Variants in TCAIM observed in about 807,000 individuals in gnomAD.
TCAIM encodes the protein T-cell activation inhibitor, mitochondrial.
A neutral mutation model predicts 58.6 loss-of-function variants in TCAIM; 36 were observed. That is an observed-to-expected ratio of 0.61 (90% CI 0.47 to 0.81). The LOEUF is 0.81. TCAIM is among the 30% of genes least tolerant of loss of function. The pLI, the probability that TCAIM is intolerant of heterozygous loss-of-function variation, is 0.00. For synonymous variants in TCAIM, 172 were observed against 193.6 expected (o/e 0.89, Z 0.93); for missense variants, 466 against 579.6 (o/e 0.80, Z 2.01).
chr3:44,373,958 T>C (rs1314769860), intron 5 of TCAIM, among the ~76,000 whole-genome samples: 1 of 152,212 alleles, frequency 6.6e-6, no homozygotes, highest in African/African-American at 2.4e-5. Context: ...AAAAAGACCA[T>C]TGAAATACTA....
At chr3:44,382,058 G>A (rs1409111167) in intron 5 of TCAIM, among the ~76,000 whole-genome samples, 1 of 152,174 alleles carries the variant, frequency 6.6e-6, no homozygotes, top group East Asian at 1.9e-4. Flanking sequence ...CCCAAAGCAA[G>A]TACAGATTTA....
intron 4 of TCAIM, among the ~76,000 whole-genome samples, chr3:44,364,410 TC>T (rs1335410990): frequency 5.9e-5 from 9 of 151,950 alleles, no homozygotes; most frequent in Admixed American, 1.3e-4. Context: ...AATAGACAGT[TC>T]AAGAAATAAC....
chr3:44,357,129 G>C (rs7429879), intron 2 of TCAIM, among the ~76,000 whole-genome samples: 72,167 of 151,992 alleles, frequency 0.47, 18,743 homozygotes, highest in East Asian at 0.81. Context: ...ATTGAGCCAG[G>C]CATGGTGGCT....
chr3:44,348,288 A>G (rs768300282), intron 1 of TCAIM, among the ~76,000 whole-genome samples: 4 of 152,238 alleles, frequency 2.6e-5, no homozygotes, highest in Non-Finnish European at 5.9e-5. Context: ...GTCTTCAGCC[A>G]CTAAGCTGAG....
intron 5 of TCAIM, among the ~76,000 whole-genome samples, chr3:44,372,321 A>T (rs1473172149): frequency 6.6e-6 from 1 of 152,204 alleles, no homozygotes; most frequent in African/African-American, 2.4e-5. Context: ...ATGTGAATCA[A>T]GTGACTGCCT....
At chr3:44,348,176 A>G (rs1292665236) in intron 1 of TCAIM, among the ~76,000 whole-genome samples, 9 of 152,192 alleles carry the variant, frequency 5.9e-5, no homozygotes, top group Non-Finnish European at 1.0e-4. Flanking sequence ...TGGAGTGGGT[A>G]GCCTCTGTAT....
rs758995122 is a variant in TCAIM at position 44,361,522 on chromosome 3, C to T, written c.319+4C>T. ...CAGGAACCTTTTAGTACTTCCGGTA[C>T]GTTTTTTATTTCTGGTGTGTCCCTT... On this transcript the variant is annotated splice_donor_region_variant and intron_variant, in intron 4 of 10. Coordinates refer to ENST00000342649, the MANE Select transcript of TCAIM (RefSeq NM_173826.4). 3.9e-5 allele frequency: 62 copies of T among 1,584,762 alleles called. No homozygotes were observed. The highest frequency in any genetic ancestry group is 1.1e-4 in the African/African-American group (8 of 73,284).
intron 1 of TCAIM, among the ~76,000 whole-genome samples, chr3:44,343,193 T>C (rs1700890898): frequency 6.6e-6 from 1 of 151,862 alleles, no homozygotes; most frequent in Non-Finnish European, 1.5e-5. Context: ...TAACCATCTA[T>C]GTTATTTAAG....
rs1702118177 is a variant in TCAIM, at chr3:44,407,487, AT to A, written c.1300del (p.Ser434LeufsTer24). On this transcript the variant is annotated frameshift_variant, in exon 11 of 11. Transcript: ENST00000342649. LOFTEE classifies it high-confidence loss of function. ...NELIQASTKKFSLEKLYKEPS... is the reference protein window; with the variant it reads ...NELIQASTKKXSLEKLYKEPS... ...AATTGATACAGGCATCAACAAAGAA[AT>A]TTTCTTTGGAGAAGTTATATAAAGA... 1.2e-6 allele frequency: 2 copies of A among 1,610,002 alleles called. No homozygotes were observed. The highest frequency in any genetic ancestry group is 1.7e-5 in the Admixed American group (1 of 59,762).
At chr3:44,366,218 AT>A (rs11324892) in intron 4 of TCAIM, among the ~76,000 whole-genome samples, 22,363 of 151,922 alleles carry the variant, frequency 0.15, 1,692 homozygotes, top group Admixed American at 0.17. Context: ...AAACCAGTGG[AT>A]TTTTTATTGA....
chr3:44,367,342 AATAG>A (rs1220900546), intron 4 of TCAIM, 110 bp from the exon 5 acceptor site: 18 of 1,258,960 alleles, frequency 1.4e-5, no homozygotes, highest in Non-Finnish European at 1.6e-5. Context: ...GTGATTTGCT[AATAG>A]GACGAATTTA....
At chr3:44,387,728 A>C (rs1701767911) in intron 5 of TCAIM, among the ~76,000 whole-genome samples, 1 of 152,204 alleles carries the variant, frequency 6.6e-6, no homozygotes, top group Non-Finnish European at 1.5e-5. Context: ...TGCCAGGCCA[A>C]GTGGGCAGAA....
chr3:44,347,173 T>C (rs939389351), intron 1 of TCAIM, among the ~76,000 whole-genome samples: 10 of 151,982 alleles, frequency 6.6e-5, no homozygotes, highest in Non-Finnish European at 1.3e-4. Flanking sequence ...CCGAGATAGG[T>C]AACAGATGAG....
At chr3:44,391,101 T>C (rs1312727952) in intron 5 of TCAIM, 1 of 152,222 alleles carries the variant, frequency 6.6e-6, no homozygotes, top group Non-Finnish European at 1.5e-5. Flanking sequence ...AGTGAGAGTT[T>C]CTACAGAGGC....
intron 4 of TCAIM, among the ~76,000 whole-genome samples, chr3:44,366,717 C>T (rs935035266): frequency 3.3e-5 from 5 of 151,836 alleles, no homozygotes; most frequent in Non-Finnish European, 7.4e-5. Context: ...CCGCCCGCCT[C>T]GGCCTCCCAA....
chr3:44,376,350 T>C (rs1294513631), intron 5 of TCAIM, among the ~76,000 whole-genome samples: 5 of 152,236 alleles, frequency 3.3e-5, no homozygotes, highest in African/African-American at 4.8e-5. Flanking sequence ...CTACTCTTCC[T>C]AAAAAATATA....
intron 6 of TCAIM, among the ~76,000 whole-genome samples, chr3:44,395,812 C>G (rs1232100102): frequency 2.0e-5 from 3 of 152,186 alleles, no homozygotes; most frequent in Non-Finnish European, 4.4e-5. Context: ...TGGTGAAACC[C>G]TGTCTCTACA....
intron 2 of TCAIM, among the ~76,000 whole-genome samples, chr3:44,355,691 T>G (rs527846097): frequency 6.6e-6 from 1 of 152,200 alleles, no homozygotes; most frequent in African/African-American, 2.4e-5. Context: ...GTGAACTAAT[T>G]TGGGTTTTGT....
intron 5 of TCAIM, chr3:44,391,138 G>A (rs1361372586): frequency 6.6e-6 from 1 of 152,070 alleles, no homozygotes; most frequent in African/African-American, 2.4e-5. Flanking sequence ...AGGCCACACA[G>A]GCTTTCAGCT....
Sources: allele counts gnomAD v4.1 joint callset (sites outside exome capture counted in the v4.1 genomes callset), GRCh38; gene constraint gnomAD v4.1.1; transcripts MANE v1.5; gene names NCBI Gene and HGNC (gene_info 2026-07-23, HGNC 2026-07-21).